The following NOTCH4 variants were observed in gnomAD, a reference collection of about 807,000 sequenced individuals.
NOTCH4 encodes the protein notch receptor 4.
In NOTCH4, 138 loss-of-function variants were observed where a neutral mutation model predicts 189.0. The ratio of observed to expected loss-of-function variants is 0.73; its 90% CI spans 0.64 to 0.84. The LOEUF is 0.84. Ranked by LOEUF, NOTCH4 falls within the 40% of genes least tolerant of loss-of-function variation. The pLI is 0.00. For synonymous variants in NOTCH4, 942 were observed against 1,032.8 expected (o/e 0.91, Z 1.69); for missense variants, 2,286 against 2,605.4 (o/e 0.88, Z 2.67).
Position 32,206,399 on chromosome 6 carries a change from C to T in NOTCH4, c.2866-2010G>A, listed in dbSNP as rs185575714. Reference sequence around the variant, plus strand: ...TAGAAAAAGTAGTAGCATTTCTATACGCTAACAGCAAACAATCAGAAAAAG... The same window carrying T: ...TAGAAAAAGTAGTAGCATTTCTATATGCTAACAGCAAACAATCAGAAAAAG... On this transcript the variant is annotated intron_variant, in intron 18 of 29. Transcript: ENST00000375023. Among the ~76,000 whole-genome samples, 35 of 152,118 alleles carry T rather than the reference C, an allele frequency of 2.3e-4. No homozygotes were observed. The South Asian group carries it at 3.1e-3, about 14-fold the overall frequency.
chr6:32,218,192 C>G, intron 8 of NOTCH4, 84 bp from the exon 9 acceptor site: 1 of 866,466 alleles, frequency 1.2e-6, no homozygotes, highest in South Asian at 1.4e-5. Context: ...CTGCTCCTGA[C>G]TTGCCCCACT....
rs3131293 is a variant in NOTCH4 at position 32,213,768 on chromosome 6, C to G, written c.2240G>C (p.Ser747Thr). 1 of 1,612,108 alleles carries G rather than the reference C, an allele frequency of 6.2e-7. No homozygotes were observed. The highest frequency in any genetic ancestry group is 1.7e-5 in the Admixed American group (1 of 59,968). ...GCAGGTGCAGTAGTAGCCTCCAGGG[C>G]TAGGGTTGCAGGAGCCGCCATTGAG... ...PCLNGGSCNP[S>T]PGGYYCTCPP... The change falls in exon 14 of 30, where the codon AGC becomes ACC. Residue 747 changes from serine (S) to threonine (T), a missense_variant. Physicochemically the swap from Ser to Thr is moderately conservative, Grantham distance 58. Transcript: ENST00000375023.
chr6:32,196,174 T>G (rs750198320), intron 29 of NOTCH4, 24 bp from the exon 30 acceptor site: 6 of 1,590,188 alleles, frequency 3.8e-6, no homozygotes, highest in Non-Finnish European at 5.1e-6. Flanking sequence ...CCAGGGCCGA[T>G]ATCAGGGAAG....
chr6:32,204,627 G>C (rs534393486), intron 18 of NOTCH4, among the ~76,000 whole-genome samples: 1 of 152,134 alleles, frequency 6.6e-6, no homozygotes, highest in African/African-American at 2.4e-5. Context: ...ATGACACACT[G>C]CCACCAAACA....
In NOTCH4 at chr6:32,201,066, G is replaced by A. The variant is rs1182669613; in HGVS notation, c.4139+51C>T. On this transcript the variant is annotated intron_variant, in intron 22 of 29. Coordinates refer to ENST00000375023, the MANE Select transcript of NOTCH4 (RefSeq NM_004557.4). This position sits in a 1 kb window ranked among gnomAD's most constrained non-coding sequence, Gnocchi z 5.5. ...GTCCCTGGCTCCCTTTCCTCCCTCTGCCCTCTTAAAAAAACTGGTGTCTGG... is the reference window on the plus strand; with the variant it reads ...GTCCCTGGCTCCCTTTCCTCCCTCTACCCTCTTAAAAAAACTGGTGTCTGG... 6.4e-7 allele frequency: 1 copy of A among 1,571,358 alleles called. No individual in the cohort carries two copies. Among genetic ancestry groups the A allele is most frequent in the Admixed American group, 1.8e-5 (1 of 55,770 alleles).
chr6:32,207,635 C>A (rs1249974276), intron 18 of NOTCH4, among the ~76,000 whole-genome samples: 1 of 149,460 alleles, frequency 6.7e-6, no homozygotes, highest in African/African-American at 2.5e-5. Flanking sequence ...CTATCCCCCC[C>A]CCCCAAAAAA....
At chr6:32,196,565 G>C in intron 28 of NOTCH4, 144 bp from the exon 29 acceptor site, 1 of 1,050,056 alleles carries the variant, frequency 9.5e-7, no homozygotes, top group Non-Finnish European at 1.4e-6. Flanking sequence ...GGAGACCACC[G>C]GCCTGCAGGA....
rs777877265 is a variant in NOTCH4, at chr6:32,217,199, C to T, written c.1692G>A (p.Gly564=). The T allele has an allele frequency of 1.1e-5, 17 of 1,612,888 alleles. No individual in the cohort carries two copies. The highest frequency in any genetic ancestry group is 3.3e-4 in the Middle Eastern group (2 of 6,084). The part of the protein sequence containing the change: ...ECRSSPCANG[G]QCQDQPGAFH... ...AGGCTCCAGGCTGGTCCTGGCACTGCCCACCATTGGCACAGGGAGAGCTTC... is the reference window on the plus strand; with the variant it reads ...AGGCTCCAGGCTGGTCCTGGCACTGTCCACCATTGGCACAGGGAGAGCTTC... The change falls in exon 10 of 30, where the codon GGG becomes GGA. Residue 564 remains glycine (G), a synonymous_variant. Transcript: ENST00000375023. The surrounding 1 kb of genome is among the most constrained non-coding windows in gnomAD (Gnocchi z 4.2).
rs9267833 is a variant in NOTCH4 at position 32,210,123 on chromosome 6, T to C, written c.2865+629A>G. Among the ~76,000 whole-genome samples, 35,684 of 152,062 alleles carry C rather than the reference T, an allele frequency of 0.23. 4,718 individuals carry two copies. The highest frequency in any genetic ancestry group is 0.39 in the Middle Eastern group (116 of 294). Reference sequence around the variant, plus strand: ...CCAGCCTGGGGAGAAGTTAGGGACATCTTCCTGAAGAAGATGCCTCCTGAA... The same window carrying C: ...CCAGCCTGGGGAGAAGTTAGGGACACCTTCCTGAAGAAGATGCCTCCTGAA... On this transcript the variant is annotated intron_variant, in intron 18 of 29. Transcript: ENST00000375023. The surrounding 1 kb of genome is among the most constrained non-coding windows in gnomAD (Gnocchi z 4.8).
At chr6:32,206,735 C>T (rs1291339310) in intron 18 of NOTCH4, among the ~76,000 whole-genome samples, 1 of 151,978 alleles carries the variant, frequency 6.6e-6, no homozygotes, top group East Asian at 2.0e-4. Flanking sequence ...CCCAAATAGC[C>T]AAAGCAGTCC....
chr6:32,196,863 G>GCTAT, intron 28 of NOTCH4, 62 bp downstream of exon 28: 1 of 1,587,252 alleles, frequency 6.3e-7, no homozygotes. Flanking sequence ...TATTTTGCAC[G>GCTAT]CTATCTCCCA....
At position 32,198,788 on chromosome 6, in the gene NOTCH4, A is replaced by C; in HGVS notation, c.4536-58T>G. The stretch of plus-strand genomic sequence containing the variant: ...GAATTATGACCATCAGGGTCTCCAA[A>C]ATTTCCAGCAGGCTTCCCACCCCTC... On this transcript the variant is annotated intron_variant, in intron 24 of 29. Transcript: ENST00000375023. This position sits in a 1 kb window ranked among gnomAD's most constrained non-coding sequence, Gnocchi z 5.5. The C allele has an allele frequency of 1.3e-6, 2 of 1,535,076 alleles. No individual in the cohort carries two copies. The highest frequency in any genetic ancestry group is 1.8e-6 in the Non-Finnish European group (2 of 1,137,856).
At chr6:32,207,667 CTCTA>C (rs1788772458) in intron 18 of NOTCH4, among the ~76,000 whole-genome samples, 1 of 149,342 alleles carries the variant, frequency 6.7e-6, no homozygotes, top group Non-Finnish European at 1.5e-5. Context: ...GAAACTAAAT[CTCTA>C]TCTGTCATCA....
Position 32,199,712 on chromosome 6 carries a change from CAAAACAAAAA to C in NOTCH4, c.4316-577_4316-568del, listed in dbSNP as rs1788221188. 6.6e-6 allele frequency among the ~76,000 whole-genome samples: 1 copy of C among 151,688 alleles called. No individual in the cohort carries two copies. The highest frequency in any genetic ancestry group is 6.6e-5 in the Admixed American group (1 of 15,232). ...AGGCAAGACTCTGTCTCAAACAAAA[CAAAACAAAAA>C]CAAAAAAAATTATCAGGGCATGGTG... On this transcript the variant is annotated intron_variant, in intron 23 of 29. Coordinates refer to ENST00000375023, the MANE Select transcript of NOTCH4 (RefSeq NM_004557.4). This position sits in a 1 kb window ranked among gnomAD's most constrained non-coding sequence, Gnocchi z 4.9.
chr6:32,214,233 C>T lies in NOTCH4; in HGVS notation c.2044G>A (p.Gly682Ser). 1 of 1,613,432 alleles carries T rather than the reference C, an allele frequency of 6.2e-7. No individual in the cohort carries two copies. Among genetic ancestry groups the T allele is most frequent in the Non-Finnish European group, 8.5e-7 (1 of 1,179,762 alleles). ...GCCTCACACTCTGGCCCCGTCCAAC[C>T]CACGTCACACACACATGAGGATCTG... is the stretch of plus-strand genomic sequence containing the variant. ...CQRSSCVCDVGWTGPECEAEL... is the reference protein window; with the variant it reads ...CQRSSCVCDVSWTGPECEAEL... The change falls in exon 13 of 30, where the codon GGT (glycine) becomes AGT (serine). Residue 682 changes from glycine to serine, a missense_variant. This residue lies in a region of NOTCH4 where 1,903 missense variants were observed against 2,261.9 expected (regional missense o/e 0.84). Coordinates refer to ENST00000375023, the MANE Select transcript of NOTCH4 (RefSeq NM_004557.4).
chr6:32,196,850 C>G, intron 28 of NOTCH4, 75 bp downstream of exon 28: 1 of 1,559,538 alleles, frequency 6.4e-7, no homozygotes, highest in Non-Finnish European at 8.8e-7. Flanking sequence ...TCTGCTGCAC[C>G]TATATTTTGC....
chr6:32,204,039 C>T (rs1398110987), intron 19 of NOTCH4, 98 bp downstream of exon 19: 7 of 1,524,198 alleles, frequency 4.6e-6, no homozygotes, highest in Non-Finnish European at 6.2e-6. Context: ...GGGGATGGAC[C>T]AGGTGACGGC....
chr6:32,222,457 G>A, intron 3 of NOTCH4, 54 bp downstream of exon 3: 1 of 1,446,346 alleles, frequency 6.9e-7, no homozygotes, highest in Non-Finnish European at 9.1e-7. Context: ...CCCACCCACA[G>A]CCTAGCCCAT....
At position 32,203,758 on chromosome 6, in the gene NOTCH4, G is replaced by T; in HGVS notation, c.3231+12C>A. ...AGGGGGCAACAGAGAAGGCAGATTT[G>T]TGGTCACTTGCCTTGGGGCAGTGGC... On this transcript the variant is annotated intron_variant, in intron 20 of 29. Transcript: ENST00000375023. 6.5e-7 allele frequency: 1 copy of T among 1,543,336 alleles called. No individual in the cohort carries two copies. The highest frequency in any genetic ancestry group is 8.8e-7 in the Non-Finnish European group (1 of 1,140,860).
Sources: gnomAD v4.1 joint callset for allele counts (sites outside exome capture counted in the v4.1 genomes callset) on GRCh38, gnomAD v4.1.1 for gene constraint, gnomAD v4.1.1 regional missense constraint, Gnocchi (gnomAD v3.1) non-coding constraint, MANE v1.5 for transcripts, NCBI Gene and HGNC (gene_info 2026-07-23, HGNC 2026-07-21) for gene names.